The following GALNT9 variants were observed in gnomAD, a reference collection of about 807,000 sequenced individuals.
GALNT9 encodes polypeptide N-acetylgalactosaminyltransferase 9, also known as GalNAc transferase 9.
Under a neutral mutation model 63.1 loss-of-function variants are expected in GALNT9, and 47 were observed. The ratio of observed to expected loss-of-function variants is 0.75; its 90% CI spans 0.59 to 0.95. The LOEUF (loss-of-function observed/expected upper bound fraction) is 0.95, where lower values mean the gene tolerates loss of function less well. Among genes scored for constraint, GALNT9 ranks in the 40% least tolerant of loss-of-function variants. GALNT9 has a pLI of 0.00. For missense variants in GALNT9, 829 were observed against 874.8 expected (o/e 0.95, Z 0.66); for synonymous variants, 396 against 365.7 (o/e 1.08, Z -0.94).
chr12:132,286,499 C>T lies in GALNT9; in HGVS notation c.239-69G>A. The T allele has an allele frequency of 1.4e-6, 2 of 1,453,012 alleles. No homozygotes were observed. The highest frequency in any genetic ancestry group is 2.6e-5 in the Admixed American group (1 of 38,336). The allele number at this position is 1,453,012 out of a possible 1,614,324, so 90.0% of individuals were successfully genotyped here. Reference sequence around the variant, plus strand: ...GCTGCGTCTGCACCCAGGAGACGCCCCTCCCGCCCCTCTCCCCGACGGCCG... The same window carrying T: ...GCTGCGTCTGCACCCAGGAGACGCCTCTCCCGCCCCTCTCCCCGACGGCCG... On this transcript the variant is annotated intron_variant, in intron 1 of 10. Coordinates refer to ENST00000328957, the MANE Select transcript of GALNT9 (RefSeq NM_001122636.2). This position sits in a 1 kb window ranked among gnomAD's most constrained non-coding sequence, Gnocchi z 7.4.
At chr12:132,299,445 C>T (rs557239606) in intron 1 of GALNT9, among the ~76,000 whole-genome samples, 3 of 139,500 alleles carry the variant, frequency 2.2e-5, no homozygotes, top group African/African-American at 8.1e-5. Context: ...AACTAACCCA[C>T]TCCCACCACA....
At chr12:132,201,504 C>T (rs80201841) in intron 7 of GALNT9, among the ~76,000 whole-genome samples, 6,353 of 152,262 alleles carry the variant, frequency 0.042, 437 homozygotes, top group African/African-American at 0.14. Flanking sequence ...CCTGGACAGA[C>T]GGCCCCTGCT....
intron 6 of GALNT9, among the ~76,000 whole-genome samples, chr12:132,219,864 G>T (rs1442999928): frequency 6.7e-6 from 1 of 149,872 alleles, no homozygotes; most frequent in Non-Finnish European, 1.5e-5. Context: ...ACCCGCCCGG[G>T]AAAGGGGAAG....
intron 10 of GALNT9, 42 bp downstream of exon 10, chr12:132,197,750 G>GGCCCCCCCCCAACCCCC: frequency 7.9e-7 from 1 of 1,266,538 alleles, no homozygotes. Context: ...CAGCAGCCCT[G>GGCCCCCCCCCAACCCCC]CCCCGCCCCA....
intron 5 of GALNT9, among the ~76,000 whole-genome samples, chr12:132,254,524 G>A (rs1555238878): frequency 6.6e-6 from 1 of 152,188 alleles, no homozygotes; most frequent in East Asian, 1.9e-4. Context: ...TATGCGAGAG[G>A]AGTGATTCTG....
intron 5 of GALNT9, among the ~76,000 whole-genome samples, chr12:132,255,865 G>A (rs1410324839): frequency 2.0e-5 from 3 of 152,140 alleles, no homozygotes; most frequent in East Asian, 1.9e-4. Context: ...CGATCTTCAC[G>A]CTGGGTGTCC....
intron 6 of GALNT9, among the ~76,000 whole-genome samples, chr12:132,227,447 C>G (rs1156903544): frequency 6.6e-6 from 1 of 152,222 alleles, no homozygotes; most frequent in Non-Finnish European, 1.5e-5. Context: ...TACACCCAGG[C>G]ACACGCACGC....
In GALNT9 at chr12:132,282,432, T is replaced by G. The variant is rs1447363817; in HGVS notation, c.419+3818A>C. ...GTGTGCGTGTGTGTGCGTGTGTGCG[T>G]GCATGCGTGTGTGTGCGTGTGCATG... On this transcript the variant is annotated intron_variant, in intron 2 of 10. Transcript: ENST00000328957. The surrounding 1 kb of genome is among the most constrained non-coding windows in gnomAD (Gnocchi z 4.5). Among the ~76,000 whole-genome samples, 1 of 152,082 alleles carries G rather than the reference T, an allele frequency of 6.6e-6. No homozygotes were observed. Among genetic ancestry groups the G allele is most frequent in the Non-Finnish European group, 1.5e-5 (1 of 67,980 alleles).
chr12:132,306,047 C>T (rs1881599313), intron 1 of GALNT9, among the ~76,000 whole-genome samples: 1 of 152,226 alleles, frequency 6.6e-6, no homozygotes, highest in South Asian at 2.1e-4. Flanking sequence ...GACAGTGGCT[C>T]CCGCCCTCAG....
intron 1 of GALNT9, among the ~76,000 whole-genome samples, chr12:132,324,435 G>T (rs1868943549): frequency 6.6e-6 from 1 of 152,218 alleles, no homozygotes; most frequent in African/African-American, 2.4e-5. Flanking sequence ...GCTTTGTGCC[G>T]CGCGTGCAAG....
intron 6 of GALNT9, among the ~76,000 whole-genome samples, chr12:132,206,660 AAG>A (rs1055504560): frequency 2.7e-5 from 4 of 150,532 alleles, no homozygotes; most frequent in African/African-American, 9.8e-5. Flanking sequence ...AAAAAAAAAA[AAG>A]GACCAAAACC....
At position 132,257,694 on chromosome 12, in the gene GALNT9, G is replaced by A. The variant is rs1879189333; in HGVS notation, c.954C>T (p.Pro318=). ...DWLDRGDESA[P]IRTPAMIGCS... ...CCCCTGAGGGCGCAGCTCACCTGAT[G>A]GGTGCTGACTCGTCGCCGCGGTCCA... Residue 318 remains proline, a synonymous_variant, in exon 5 of 11, where the codon CCC becomes CCT. Coordinates refer to ENST00000328957, the MANE Select transcript of GALNT9 (RefSeq NM_001122636.2). 2 of 1,548,860 alleles carry A rather than the reference G, an allele frequency of 1.3e-6. No individual in the cohort carries two copies. The highest frequency in any genetic ancestry group is 1.7e-6 in the Non-Finnish European group (2 of 1,146,134).
intron 1 of GALNT9, among the ~76,000 whole-genome samples, chr12:132,293,912 G>A (rs1880955414): frequency 2.0e-5 from 3 of 152,256 alleles, no homozygotes; most frequent in Admixed American, 2.0e-4. Flanking sequence ...GAGAAGCCAG[G>A]GGACCCCATC....
chr12:132,324,561 GGT>G (rs1555246381), intron 1 of GALNT9, among the ~76,000 whole-genome samples: 1 of 152,240 alleles, frequency 6.6e-6, no homozygotes, highest in Non-Finnish European at 1.5e-5. Context: ...GGCAGCGGGG[GGT>G]CTTTGGACTG....
chr12:132,226,324 A>C (rs1877685464), intron 6 of GALNT9, among the ~76,000 whole-genome samples: 1 of 148,284 alleles, frequency 6.7e-6, no homozygotes, highest in Admixed American at 6.7e-5. Flanking sequence ...CATACTGTAC[A>C]TACACCTCAC....
Position 132,229,660 on chromosome 12 carries a change from C to T in GALNT9, c.1077+18250G>A, listed in dbSNP as rs1198146394. Among the ~76,000 whole-genome samples the T allele has an allele frequency of 5.3e-5, 8 of 152,238 alleles. No homozygotes were observed. The East Asian group carries it at 1.2e-3, about 22-fold the overall frequency. On this transcript the variant is annotated intron_variant, in intron 6 of 10. Transcript: ENST00000328957. Reference sequence around the variant, plus strand: ...CCGTCCCCACCCTTCTCGGGCCACACGGCCGGCATGGTTGGCAAGCTTAGC... The same window carrying T: ...CCGTCCCCACCCTTCTCGGGCCACATGGCCGGCATGGTTGGCAAGCTTAGC...
intron 6 of GALNT9, among the ~76,000 whole-genome samples, chr12:132,239,213 G>C (rs1361198137): frequency 1.4e-5 from 2 of 146,924 alleles, no homozygotes; most frequent in African/African-American, 2.6e-5. Context: ...GAGAGAGACA[G>C]AGAGACACAG....
At chr12:132,198,777 G>A (rs1330466272) in intron 9 of GALNT9, among the ~76,000 whole-genome samples, 1 of 152,070 alleles carries the variant, frequency 6.6e-6, no homozygotes, top group Non-Finnish European at 1.5e-5. Flanking sequence ...TCAGCCTCCC[G>A]AGCAGCTGGG....
At chr12:132,266,131 C>G (rs28658544) in intron 2 of GALNT9, among the ~76,000 whole-genome samples, 2 of 149,512 alleles carry the variant, frequency 1.3e-5, no homozygotes, top group South Asian at 4.2e-4. Context: ...CAGCCAACCG[C>G]GGGCCTGTCT....
Sources: allele counts gnomAD v4.1 joint callset (sites outside exome capture counted in the v4.1 genomes callset), GRCh38; gene constraint gnomAD v4.1.1; non-coding constraint Gnocchi (gnomAD v3.1); transcripts MANE v1.5; gene names NCBI Gene and HGNC (gene_info 2026-07-23, HGNC 2026-07-21).